DPP10: variants seen among roughly 807,000 people sequenced by gnomAD.
The protein encoded by DPP10 is inactive dipeptidyl peptidase 10.
DPP10 carries 33 observed loss-of-function variants against 120.9 expected under a neutral mutation model. That is an observed-to-expected ratio of 0.27 (90% confidence interval 0.21 to 0.37). The LOEUF (loss-of-function observed/expected upper bound fraction) is 0.37, where lower values mean the gene tolerates loss of function less well. Among genes scored for constraint, DPP10 ranks in the 10% least tolerant of loss-of-function variants. The pLI is 1.00. For missense variants in DPP10, 816 were observed against 942.8 expected (o/e 0.87, Z 1.76); for synonymous variants, 337 against 326.1 (o/e 1.03, Z -0.36).
At chr2:115,379,611 C>G (rs1361162838) in intron 3 of DPP10, among the ~76,000 whole-genome samples, 1 of 151,908 alleles carries the variant, frequency 6.6e-6, no homozygotes, top group African/African-American at 2.4e-5. Context: ...AATGTGTTTG[C>G]TCTTGCTTTT....
chr2:115,506,405 A>T (rs991121704), intron 4 of DPP10, among the ~76,000 whole-genome samples: 1 of 152,120 alleles, frequency 6.6e-6, no homozygotes, highest in Non-Finnish European at 1.5e-5. Context: ...TAAAAAATCA[A>T]CTGAGACCCA....
At chr2:115,579,618 C>T (rs2081899400) in intron 5 of DPP10, 1 of 151,888 alleles carries the variant, frequency 6.6e-6, no homozygotes, top group African/African-American at 2.4e-5. Flanking sequence ...TCTTTTAAAC[C>T]AGTATTTATT....
chr2:115,214,633 GA>G (rs1356184812), intron 1 of DPP10, among the ~76,000 whole-genome samples: 2 of 152,142 alleles, frequency 1.3e-5, no homozygotes, highest in African/African-American at 4.8e-5. Flanking sequence ...AAAGCCGTAT[GA>G]AATTGTCAGA....
At chr2:115,451,890 G>GTTAATTTTTATAA (rs2073137243) in intron 3 of DPP10, among the ~76,000 whole-genome samples, 1 of 10,796 alleles carries the variant, frequency 9.3e-5, no homozygotes, top group Non-Finnish European at 8.1e-3. Flanking sequence ...GTGTTTGTGT[G>GTTAATTTTTATAA]TGTGTGTGTG....
chr2:114,899,773 T>C (rs1693387527), intron 1 of DPP10, among the ~76,000 whole-genome samples: 4 of 151,952 alleles, frequency 2.6e-5, no homozygotes, highest in South Asian at 2.1e-4. Context: ...CTGGCTAACA[T>C]GGTGAAACCC....
At chr2:115,801,139 G>A (rs1483598407) in intron 19 of DPP10, among the ~76,000 whole-genome samples, 1 of 151,190 alleles carries the variant, frequency 6.6e-6, no homozygotes, top group African/African-American at 2.4e-5. Context: ...TCTCCTTGAA[G>A]AGGTCCTTCA....
intron 1 of DPP10, among the ~76,000 whole-genome samples, chr2:114,981,542 A>T (rs74513322): frequency 0.016 from 2,363 of 152,266 alleles, 65 homozygotes; most frequent in African/African-American, 0.054. Flanking sequence ...ACTACTGGGA[A>T]TTCGGACTGA....
intron 7 of DPP10, among the ~76,000 whole-genome samples, chr2:115,702,063 A>G (rs1476829877): frequency 6.6e-6 from 1 of 152,062 alleles, no homozygotes; most frequent in Non-Finnish European, 1.5e-5. Flanking sequence ...ACTAGTGAGA[A>G]TACCATTTAC....
intron 1 of DPP10, among the ~76,000 whole-genome samples, chr2:114,860,190 T>A (rs1314043360): frequency 6.6e-6 from 1 of 152,202 alleles, no homozygotes; most frequent in Non-Finnish European, 1.5e-5. Context: ...TTCATTAAGA[T>A]TAAATGTGGG....
intron 5 of DPP10, among the ~76,000 whole-genome samples, chr2:115,544,774 G>A (rs1383346874): frequency 1.3e-5 from 2 of 151,988 alleles, no homozygotes; most frequent in South Asian, 2.1e-4. Flanking sequence ...TACCTACAGA[G>A]GGGTATAAAC....
At chr2:114,716,462 TC>T (rs1461975225) in intron 1 of DPP10, among the ~76,000 whole-genome samples, 1 of 152,166 alleles carries the variant, frequency 6.6e-6, no homozygotes, top group East Asian at 1.9e-4. Flanking sequence ...TCTTTTTTTA[TC>T]CAATAGAACT....
chr2:115,571,207 C>G (rs1012488532), intron 5 of DPP10, among the ~76,000 whole-genome samples: 1 of 152,176 alleles, frequency 6.6e-6, no homozygotes, highest in African/African-American at 2.4e-5. Flanking sequence ...CACTCTTTGT[C>G]TTTGATTGTT....
intron 1 of DPP10, among the ~76,000 whole-genome samples, chr2:115,021,075 C>T (rs920815468): frequency 6.6e-6 from 1 of 151,818 alleles, no homozygotes; most frequent in Admixed American, 6.6e-5. Flanking sequence ...TCTGAAAGAG[C>T]ACAAATAGAC....
intron 24 of DPP10, among the ~76,000 whole-genome samples, chr2:115,839,208 A>G (rs1273682041): frequency 1.3e-5 from 2 of 152,218 alleles, no homozygotes; most frequent in Admixed American, 6.5e-5. Context: ...ATTAAGTGCC[A>G]TAGGAAGATG....
At chr2:114,598,386 G>A (rs1349439685) in intron 1 of DPP10, among the ~76,000 whole-genome samples, 1 of 151,798 alleles carries the variant, frequency 6.6e-6, no homozygotes, top group Non-Finnish European at 1.5e-5. Context: ...GAGAGAGGGA[G>A]AAGATAGAGT....
rs2070991552 is a variant in DPP10, at chr2:115,431,613, C to T, written c.272-67897C>T. The stretch of plus-strand genomic sequence containing the variant: ...AATGAGAATCTAAAAGAATTTCTCA[C>T]ATCTCCGCTAGCCCTCTTGGACTCT... On this transcript the variant is annotated intron_variant, in intron 3 of 25. Transcript: ENST00000410059. Among the ~76,000 whole-genome samples the T allele has an allele frequency of 2.6e-5, 4 of 152,154 alleles. No homozygotes were observed. In the South Asian group the frequency reaches 8.3e-4, roughly 31 times the overall value.
chr2:115,428,100 G>A (rs2070644032), intron 3 of DPP10, among the ~76,000 whole-genome samples: 1 of 152,210 alleles, frequency 6.6e-6, no homozygotes, highest in Admixed American at 6.5e-5. Flanking sequence ...TTTCCAACAA[G>A]TTCCTCATTT....
chr2:115,226,231 A>G (rs1489392332), intron 1 of DPP10, among the ~76,000 whole-genome samples: 2 of 152,106 alleles, frequency 1.3e-5, no homozygotes, highest in Non-Finnish European at 2.9e-5. Context: ...ATTACAGTTC[A>G]GTTTATCATG....
intron 1 of DPP10, among the ~76,000 whole-genome samples, chr2:114,451,086 T>C (rs1331110374): frequency 1.3e-5 from 2 of 149,032 alleles, no homozygotes; most frequent in African/African-American, 4.9e-5. Flanking sequence ...AGATCGGCCC[T>C]TTATTTGATT....
Sources: allele counts gnomAD v4.1 joint callset (sites outside exome capture counted in the v4.1 genomes callset), GRCh38; gene constraint gnomAD v4.1.1; transcripts MANE v1.5; gene names NCBI Gene and HGNC (gene_info 2026-07-23, HGNC 2026-07-21).